The following B3GAT2 variants were observed in gnomAD, a reference collection of about 807,000 sequenced individuals.
The protein encoded by B3GAT2 is galactosylgalactosylxylosylprotein 3-beta-glucuronosyltransferase 2.
Under a neutral mutation model 27.8 loss-of-function variants are expected in B3GAT2, and 26 were observed. The observed-to-expected ratio is 0.93, with a 90% CI of 0.68 to 1.30. B3GAT2 has a LOEUF of 1.30. Among genes scored for constraint, B3GAT2 ranks in the 50% most tolerant of loss-of-function variants. The pLI is 0.00. For synonymous variants in B3GAT2, 218 were observed against 195.1 expected (o/e 1.12, Z -0.98); for missense variants, 458 against 459.0 (o/e 1.00, Z 0.02).
intron 1 of B3GAT2, among the ~76,000 whole-genome samples, chr6:70,928,841 C>T (rs1189047058): frequency 6.6e-6 from 1 of 152,064 alleles, no homozygotes. Context: ...ACCATTTGAC[C>T]CAGCCATCCC....
chr6:70,883,487 G>T (rs994740076), intron 2 of B3GAT2, among the ~76,000 whole-genome samples: 17 of 149,332 alleles, frequency 1.1e-4, no homozygotes, highest in Non-Finnish European at 7.4e-5. Context: ...GGACAAATAT[G>T]ATTCCACTTA....
At chr6:70,898,468 T>G (rs1210854456) in intron 1 of B3GAT2, among the ~76,000 whole-genome samples, 1 of 152,220 alleles carries the variant, frequency 6.6e-6, no homozygotes, top group African/African-American at 2.4e-5. Context: ...TTTCAAATTT[T>G]TGGCCTTAGA....
rs1435286042 is a variant in B3GAT2, at chr6:70,938,971, A to C, written c.591+16868T>G. On this transcript the variant is annotated intron_variant, in intron 1 of 3. Transcript: ENST00000230053. Reference sequence around the variant, plus strand: ...ATCAGAGTGAACAGGCAACCTACAAAATGGGAGAAAATATTCGCAACCTAC... The same window carrying C: ...ATCAGAGTGAACAGGCAACCTACAACATGGGAGAAAATATTCGCAACCTAC... 6.6e-5 allele frequency among the ~76,000 whole-genome samples: 10 copies of C among 151,992 alleles called. No homozygotes were observed. The South Asian group carries it at 1.9e-3, about 29-fold the overall frequency.
At chr6:70,893,672 C>T (rs1461461892) in intron 2 of B3GAT2, among the ~76,000 whole-genome samples, 2 of 151,982 alleles carry the variant, frequency 1.3e-5, no homozygotes, top group Non-Finnish European at 2.9e-5. Flanking sequence ...AGCACTAAAC[C>T]TATCAATAAG....
Position 70,956,920 on chromosome 6 carries a change from C to T in B3GAT2, c.-491G>A, listed in dbSNP as rs1765667791. The T allele has an allele frequency of 9.8e-7, 1 of 1,016,390 alleles. No homozygotes were observed. Among genetic ancestry groups the T allele is most frequent in the Non-Finnish European group, 1.2e-6 (1 of 850,588 alleles). The allele number at this position is 1,016,390 out of a possible 1,614,324, so 63.0% of individuals were successfully genotyped here. A position where few individuals can be genotyped will look rare whatever the true frequency, so the allele number is the denominator to read the frequency against. On this transcript the variant is annotated 5_prime_UTR_variant, in exon 1 of 4. Coordinates refer to ENST00000230053, the MANE Select transcript of B3GAT2 (RefSeq NM_080742.3). ...GCGGGCGGCGGCGCTGGGGGCTTTC[C>T]TTCCTCACATTCCCGCCGGGGTGGC...
chr6:70,947,749 G>A (rs533765760), intron 1 of B3GAT2, among the ~76,000 whole-genome samples: 1 of 151,834 alleles, frequency 6.6e-6, no homozygotes, highest in Non-Finnish European at 1.5e-5. Flanking sequence ...GCATCATCCT[G>A]ATACCAAAGC....
At chr6:70,928,643 T>C (rs925710764) in intron 1 of B3GAT2, among the ~76,000 whole-genome samples, 1 of 152,166 alleles carries the variant, frequency 6.6e-6, no homozygotes, top group Non-Finnish European at 1.5e-5. Context: ...CAGGAAGAAG[T>C]TGAATCCCTG....
intron 1 of B3GAT2, among the ~76,000 whole-genome samples, chr6:70,923,151 T>C (rs569359863): frequency 5.9e-5 from 9 of 152,302 alleles, no homozygotes; most frequent in Admixed American, 2.6e-4. Context: ...GATGTGATTC[T>C]CCAAACTTGG....
chr6:70,949,984 C>T (rs1765553007), intron 1 of B3GAT2, among the ~76,000 whole-genome samples: 1 of 147,114 alleles, frequency 6.8e-6, no homozygotes, highest in African/African-American at 2.5e-5. Context: ...TGTTCTCACT[C>T]ATAGATGGGA....
At chr6:70,878,458 G>A (rs60492608) in intron 2 of B3GAT2, among the ~76,000 whole-genome samples, 4,740 of 152,196 alleles carry the variant, frequency 0.031, 147 homozygotes, top group South Asian at 0.11. Context: ...TGTTCAACAC[G>A]AATGTGAACA....
rs61150776 is a variant in B3GAT2 at position 70,902,617 on chromosome 6, GATAT to G, written c.592-8349_592-8346del. Among the ~76,000 whole-genome samples the G allele has an allele frequency of 3.3e-3, 418 of 125,230 alleles. 1 individual carries two copies. The highest frequency in any genetic ancestry group is 0.01 in the African/African-American group (323 of 31,242). The allele number at this position is 125,230 out of a possible 152,430, so 82.2% of individuals were successfully genotyped here. A position where few individuals can be genotyped will look rare whatever the true frequency, so the allele number is the denominator to read the frequency against. On this transcript the variant is annotated intron_variant, in intron 1 of 3. Coordinates refer to ENST00000230053, the MANE Select transcript of B3GAT2 (RefSeq NM_080742.3). The stretch of plus-strand genomic sequence containing the variant: ...ACAGATGAATGGATTAAGAAAATGG[GATAT>G]ATATATATATATATATACACACACA...
At chr6:70,912,094 C>T (rs532392370) in intron 1 of B3GAT2, among the ~76,000 whole-genome samples, 29 of 151,964 alleles carry the variant, frequency 1.9e-4, no homozygotes, top group Middle Eastern at 6.8e-3. Flanking sequence ...GTCTGACTTC[C>T]TCTCTTCCTA....
At chr6:70,951,198 C>T (rs1009284540) in intron 1 of B3GAT2, among the ~76,000 whole-genome samples, 2 of 152,126 alleles carry the variant, frequency 1.3e-5, no homozygotes, top group Non-Finnish European at 2.9e-5. Flanking sequence ...GTGCAAAAAA[C>T]AATGACGACA....
At chr6:70,865,249 C>A (rs1008477472) in intron 2 of B3GAT2, among the ~76,000 whole-genome samples, 2 of 152,128 alleles carry the variant, frequency 1.3e-5, no homozygotes, top group Admixed American at 6.5e-5. Flanking sequence ...GCCTCAGCCT[C>A]CCGAGTAGCT....
At chr6:70,930,600 G>A (rs1448715632) in intron 1 of B3GAT2, among the ~76,000 whole-genome samples, 3 of 152,136 alleles carry the variant, frequency 2.0e-5, no homozygotes, top group Non-Finnish European at 4.4e-5. Context: ...CATCATCACC[G>A]GCCATCAGAG....
Position 70,955,883 on chromosome 6 carries a change from A to G in B3GAT2, c.547T>C (p.Phe183Leu), listed in dbSNP as rs781459405. 2 of 1,605,574 alleles carry G rather than the reference A, an allele frequency of 1.2e-6. No homozygotes were observed. The highest frequency in any genetic ancestry group is 1.7e-6 in the Non-Finnish European group (2 of 1,176,912). The change falls in exon 1 of 4, where the codon TTC (phenylalanine) becomes CTC (leucine). Residue 183 changes from phenylalanine (F) to leucine (L), a missense_variant. Transcript: ENST00000230053. ...CTATAGGTGTTGTCGTCGTCAGCGA[A>G]GAAGAGCACGCCGGGCTGCGCGCGC... ...HQRAQPGVLF[F>L]ADDDNTYSLE... is the part of the protein sequence containing the mutation.
intron 1 of B3GAT2, among the ~76,000 whole-genome samples, chr6:70,948,721 G>GA (rs1765531701): frequency 7.2e-6 from 1 of 139,604 alleles, no homozygotes; most frequent in African/African-American, 2.7e-5. Flanking sequence ...CACAGAATTG[G>GA]AAAAAACTAC....
At chr6:70,916,695 C>T (rs1772779750) in intron 1 of B3GAT2, among the ~76,000 whole-genome samples, 1 of 152,130 alleles carries the variant, frequency 6.6e-6, no homozygotes, top group Non-Finnish European at 1.5e-5. Flanking sequence ...TGATGGATTA[C>T]ATTTATTGAT....
chr6:70,857,239 T>A lies in B3GAT2; in HGVS notation c.*4424A>T. On this transcript the variant is annotated 3_prime_UTR_variant, in exon 4 of 4. Transcript: ENST00000230053. ...AGGATTCACAGAACTTTATTTGGAA[T>A]TAACAAGCTGTTCATAGATCACTAA... 2.4e-6 allele frequency: 1 copy of A among 416,486 alleles called. No homozygotes were observed. The highest frequency in any genetic ancestry group is 4.2e-6 in the Non-Finnish European group (1 of 238,068). 25.8% of individuals were successfully genotyped at this position (416,486 alleles called of 1,614,324 possible).
Sources: gnomAD v4.1 joint callset for allele counts (sites outside exome capture counted in the v4.1 genomes callset) on GRCh38, gnomAD v4.1.1 for gene constraint, MANE v1.5 for transcripts, NCBI Gene and HGNC (gene_info 2026-07-23, HGNC 2026-07-21) for gene names.